SNX2: variants seen among roughly 807,000 people sequenced by gnomAD.
SNX2 encodes the protein sorting nexin-2.
SNX2 carries 25 observed loss-of-function variants against 69.9 expected under a neutral mutation model. The ratio of observed to expected loss-of-function variants is 0.36; its 90% CI spans 0.26 to 0.50. The LOEUF is 0.50. Ranked by LOEUF, SNX2 falls within the 20% of genes least tolerant of loss-of-function variation. SNX2 has a pLI of 0.97. For missense variants in SNX2, 551 were observed against 613.3 expected, an observed-to-expected ratio of 0.90 and a Z score of 1.07; for synonymous variants, 229 against 200.4, an observed-to-expected ratio of 1.14 and a Z score of -1.20.
chr5:122,821,027 A>G (rs1454206251), intron 11 of SNX2, among the ~76,000 whole-genome samples: 1 of 152,236 alleles, frequency 6.6e-6, no homozygotes, highest in Non-Finnish European at 1.5e-5. Context: ...CTTTAAGATT[A>G]GTTTCTACTG....
chr5:122,826,017 C>G (rs1179757712), intron 11 of SNX2, 33 bp from the exon 12 acceptor site: 1 of 1,585,620 alleles, frequency 6.3e-7, no homozygotes, highest in South Asian at 1.2e-5. Flanking sequence ...AAATGTTACT[C>G]TTACTTAATA....
intron 7 of SNX2, among the ~76,000 whole-genome samples, chr5:122,809,320 T>C (rs1753718433): frequency 6.6e-6 from 1 of 152,160 alleles, no homozygotes; most frequent in African/African-American, 2.4e-5. Context: ...CCACTGGTAC[T>C]GAGGGACAGC....
intron 1 of SNX2, among the ~76,000 whole-genome samples, chr5:122,785,723 T>G (rs1312727315): frequency 6.6e-6 from 1 of 152,230 alleles, no homozygotes. Flanking sequence ...CTGGTTTCAT[T>G]TGGTAATGGT....
In SNX2 at chr5:122,799,727, A is replaced by G; in HGVS notation, c.262A>G (p.Arg88Gly). ...TEEVSLDSPE[R>G]EPILSSEPSP... ...AGAAGTTTCTTTGGACAGCCCTGAA[A>G]GGGAACCTATCCTATCCTCGGAACC... Residue 88 changes from arginine to glycine, a missense_variant, in exon 3 of 15, where the codon AGG (arginine) becomes GGG (glycine). Transcript: ENST00000379516. The G allele has an allele frequency of 6.8e-6, 11 of 1,613,610 alleles. No homozygotes were observed. Among genetic ancestry groups the G allele is most frequent in the Non-Finnish European group, 9.3e-6 (11 of 1,179,690 alleles).
chr5:122,784,815 G>A (rs1024311602), intron 1 of SNX2, among the ~76,000 whole-genome samples: 2 of 152,050 alleles, frequency 1.3e-5, no homozygotes, highest in South Asian at 2.1e-4. Flanking sequence ...TTAGTCTTAC[G>A]TCTTCCCTAA....
intron 1 of SNX2, among the ~76,000 whole-genome samples, chr5:122,776,220 A>T (rs111391654): frequency 6.6e-6 from 1 of 152,212 alleles, no homozygotes; most frequent in Non-Finnish European, 1.5e-5. Context: ...CACCAAATCA[A>T]TTGGAAATTA....
At chr5:122,789,972 A>G (rs1338275739) in intron 1 of SNX2, among the ~76,000 whole-genome samples, 1 of 152,234 alleles carries the variant, frequency 6.6e-6, no homozygotes, top group Non-Finnish European at 1.5e-5. Context: ...ACGCATTAGC[A>G]ACTTAAAATA....
intron 3 of SNX2, among the ~76,000 whole-genome samples, chr5:122,800,297 C>G (rs1312517867): frequency 1.3e-5 from 2 of 151,836 alleles, no homozygotes; most frequent in Admixed American, 1.3e-4. Flanking sequence ...TAATTTCTGA[C>G]AAGGTGAATT....
rs1301621061 is a variant in SNX2 at position 122,832,876 on chromosome 5, T to C, written c.*3228T>C. On this transcript the variant is annotated 3_prime_UTR_variant, in exon 15 of 15. Transcript: ENST00000379516. Reference sequence around the variant, plus strand: ...ACAAGAGTCAGGGAGATAGCAGATATTCCATAATAGTGACTGCAGATAGGC... The same window carrying C: ...ACAAGAGTCAGGGAGATAGCAGATACTCCATAATAGTGACTGCAGATAGGC... 1.3e-5 allele frequency: 2 copies of C among 152,220 alleles called. No individual in the cohort carries two copies. The highest frequency in any genetic ancestry group is 4.8e-5 in the African/African-American group (2 of 41,458). 9.4% of individuals were successfully genotyped at this position (152,220 alleles called of 1,614,324 possible).
intron 1 of SNX2, among the ~76,000 whole-genome samples, chr5:122,793,117 C>G (rs1561449285): frequency 6.6e-6 from 1 of 152,096 alleles, no homozygotes; most frequent in Non-Finnish European, 1.5e-5. Context: ...CTATTCCATT[C>G]TTAGGTTTAT....
intron 3 of SNX2, 71 bp downstream of exon 3, chr5:122,799,926 G>A (rs1753472801): frequency 8.3e-7 from 1 of 1,198,284 alleles, no homozygotes; most frequent in Non-Finnish European, 1.2e-6. Context: ...TCACTCTGCT[G>A]TTAGTCATTT....
At chr5:122,779,575 T>A (rs1752926374) in intron 1 of SNX2, among the ~76,000 whole-genome samples, 1 of 152,194 alleles carries the variant, frequency 6.6e-6, no homozygotes, top group Non-Finnish European at 1.5e-5. Context: ...TTTAGGTGGT[T>A]ATGAATATGA....
At chr5:122,822,279 C>T (rs917523149) in intron 11 of SNX2, among the ~76,000 whole-genome samples, 32 of 152,014 alleles carry the variant, frequency 2.1e-4, no homozygotes, top group Admixed American at 1.8e-3. Context: ...TTAGTAGAGA[C>T]GGGGTTTCAC....
intron 1 of SNX2, among the ~76,000 whole-genome samples, chr5:122,776,589 G>A (rs1177210813): frequency 6.6e-6 from 1 of 152,058 alleles, no homozygotes; most frequent in Non-Finnish European, 1.5e-5. Flanking sequence ...ATATATTTTC[G>A]GGGATTAGTA....
At chr5:122,828,569 C>G (rs1405815525) in intron 14 of SNX2, among the ~76,000 whole-genome samples, 1 of 151,076 alleles carries the variant, frequency 6.6e-6, no homozygotes, top group Admixed American at 6.6e-5. Flanking sequence ...ATAACATAAA[C>G]TGTCAATATG....
At chr5:122,807,334 GT>G (rs1753681756) in intron 6 of SNX2, among the ~76,000 whole-genome samples, 1 of 152,066 alleles carries the variant, frequency 6.6e-6, no homozygotes, top group Non-Finnish European at 1.5e-5. Flanking sequence ...CATTACCACA[GT>G]CAATTTTAGA....
At chr5:122,816,621 G>A (rs1753905249) in intron 8 of SNX2, among the ~76,000 whole-genome samples, 1 of 152,004 alleles carries the variant, frequency 6.6e-6, no homozygotes, top group East Asian at 1.9e-4. Context: ...AGGGTACTTG[G>A]CAATTTCTTA....
At chr5:122,823,169 T>C (rs576648654) in intron 11 of SNX2, among the ~76,000 whole-genome samples, 60 of 151,856 alleles carry the variant, frequency 4.0e-4, no homozygotes, top group African/African-American at 1.4e-3. Context: ...ATCCCTCTTA[T>C]AATGGTTCTA....
intron 1 of SNX2, among the ~76,000 whole-genome samples, chr5:122,786,002 T>C (rs1753077967): frequency 6.6e-6 from 1 of 152,210 alleles, no homozygotes; most frequent in Admixed American, 6.5e-5. Context: ...AATTTTTATT[T>C]CTTGTTTTAG....
Sources: allele counts gnomAD v4.1 joint callset (sites outside exome capture counted in the v4.1 genomes callset), GRCh38; gene constraint gnomAD v4.1.1; transcripts MANE v1.5; gene names NCBI Gene and HGNC (gene_info 2026-07-23, HGNC 2026-07-21).